NR2C1: variants seen among roughly 807,000 people sequenced by gnomAD.
The protein encoded by NR2C1 is TR2 nuclear hormone receptor.
Under a neutral mutation model 74.8 loss-of-function variants are expected in NR2C1, and 33 were observed. The ratio of observed to expected loss-of-function variants is 0.44; its 90% CI spans 0.33 to 0.59. The LOEUF is 0.59. NR2C1 is among the 20% of genes least tolerant of loss of function. NR2C1 has a pLI of 0.02. For missense variants in NR2C1, 568 were observed against 715.6 expected (o/e 0.79, Z 2.35); for synonymous variants, 225 against 240.6 (o/e 0.94, Z 0.60).
intron 13 of NR2C1, among the ~76,000 whole-genome samples, chr12:95,022,700 A>G (rs893069294): frequency 1.4e-5 from 2 of 143,296 alleles, no homozygotes; most frequent in Non-Finnish European, 3.1e-5. Flanking sequence ...AAGTTATACA[A>G]TTTTTTTTTT....
chr12:95,072,579 G>GT (rs1254079148), intron 1 of NR2C1: 1 of 151,964 alleles, frequency 6.6e-6, no homozygotes, highest in Non-Finnish European at 1.5e-5. Flanking sequence ...CCTAAAGGCC[G>GT]TAATTTTAGG....
chr12:95,022,450 A>G, intron 13 of NR2C1, 47 bp from the exon 14 acceptor site: 2 of 1,444,924 alleles, frequency 1.4e-6, no homozygotes, highest in Non-Finnish European at 1.9e-6. Flanking sequence ...TGTAAACCAG[A>G]AAGAAATTTA....
chr12:95,028,765 G>C (rs1473238502), intron 11 of NR2C1, among the ~76,000 whole-genome samples: 2 of 152,048 alleles, frequency 1.3e-5, no homozygotes, highest in African/African-American at 4.8e-5. Context: ...AAGTAGCTGG[G>C]ACTAGAGGCG....
chr12:95,023,877 G>A (rs534089731), intron 13 of NR2C1, among the ~76,000 whole-genome samples: 22 of 152,298 alleles, frequency 1.4e-4, no homozygotes, highest in African/African-American at 4.8e-4. Flanking sequence ...TAAAGATGCT[G>A]AAAAACAACC....
intron 4 of NR2C1, 151 bp downstream of exon 4, chr12:95,059,755 C>G (rs1257649108): frequency 1.8e-6 from 1 of 566,356 alleles, no homozygotes; most frequent in African/African-American, 1.9e-5. Context: ...TTATAGGCTA[C>G]AAATATGAAC....
At chr12:95,043,689 C>CCAA (rs575940640) in intron 9 of NR2C1, among the ~76,000 whole-genome samples, 3 of 94,284 alleles carry the variant, frequency 3.2e-5, no homozygotes, top group African/African-American at 1.2e-4. Context: ...GACTCTGTCT[C>CCAA]AAAAAAAAAA....
chr12:95,067,443 TA>T lies in NR2C1; in HGVS notation c.-7-53del. On this transcript the variant is annotated intron_variant, in intron 1 of 13. Transcript: ENST00000333003. ...AATTAAACTCACAAAACACTCTTAT[TA>T]AATAATTTACAAATAAAACTATATG... 3 of 1,249,530 alleles carry T rather than the reference TA, an allele frequency of 2.4e-6. No homozygotes were observed. In the South Asian group the frequency reaches 3.8e-5, roughly 16 times the overall value. The allele number at this position is 1,249,530 out of a possible 1,614,324, so 77.4% of individuals were successfully genotyped here. A position where few individuals can be genotyped will look rare whatever the true frequency, so the allele number is the denominator to read the frequency against.
chr12:95,049,329 A>C, intron 8 of NR2C1, 96 bp from the exon 9 acceptor site: 1 of 1,304,102 alleles, frequency 7.7e-7, no homozygotes, highest in South Asian at 1.5e-5. Flanking sequence ...AAGCCTAAAA[A>C]ACTGGCCAGG....
intron 1 of NR2C1, chr12:95,072,560 G>A (rs914248289): frequency 2.0e-5 from 3 of 151,980 alleles, no homozygotes; most frequent in Non-Finnish European, 4.4e-5. Flanking sequence ...AATTCTAGCG[G>A]TACTAAACCC....
At chr12:95,041,778 A>T (rs978368348) in intron 9 of NR2C1, among the ~76,000 whole-genome samples, 4 of 152,364 alleles carry the variant, frequency 2.6e-5, no homozygotes, top group African/African-American at 9.6e-5. Context: ...AGTACATGCA[A>T]TAATACCACT....
chr12:95,042,568 TATC>T (rs1437209431), intron 9 of NR2C1, among the ~76,000 whole-genome samples: 1 of 152,064 alleles, frequency 6.6e-6, no homozygotes, highest in East Asian at 1.9e-4. Flanking sequence ...AGGTATCTTC[TATC>T]TAAAAGGCTT....
intron 1 of NR2C1, 76 bp downstream of exon 1, chr12:95,073,304 G>A (rs1436441134): frequency 6.6e-6 from 1 of 152,258 alleles, no homozygotes; most frequent in African/African-American, 2.4e-5. Flanking sequence ...CGCGTCCGTT[G>A]GCGGTTGGGG....
At chr12:95,064,255 G>A (rs1490242005) in intron 2 of NR2C1, among the ~76,000 whole-genome samples, 2 of 150,476 alleles carry the variant, frequency 1.3e-5, no homozygotes, top group Non-Finnish European at 3.0e-5. Flanking sequence ...CTTGAACCAG[G>A]GAGGCGGAGG....
At chr12:95,060,572 T>C (rs1244780635) in intron 3 of NR2C1, among the ~76,000 whole-genome samples, 1 of 152,254 alleles carries the variant, frequency 6.6e-6, no homozygotes, top group Non-Finnish European at 1.5e-5. Flanking sequence ...GGAGAATCGC[T>C]TGAACCCAGG....
chr12:95,037,247 A>G (rs58049650), intron 10 of NR2C1, among the ~76,000 whole-genome samples: 3,171 of 152,354 alleles, frequency 0.021, 103 homozygotes, highest in African/African-American at 0.072. Context: ...CACTATTCAT[A>G]TAGTCACTTA....
chr12:95,059,966 G>T lies in NR2C1; in HGVS notation c.304C>A (p.Pro102Thr). 1 of 1,469,054 alleles carries T rather than the reference G, an allele frequency of 6.8e-7. No individual in the cohort carries two copies. The highest frequency in any genetic ancestry group is 2.3e-5 in the East Asian group (1 of 43,072). 91.0% of individuals were successfully genotyped at this position (1,469,054 alleles called of 1,614,324 possible). A position where few individuals can be genotyped will look rare whatever the true frequency, so the allele number is the denominator to read the frequency against. Residue 102 changes from proline to threonine, a missense_variant, in exon 4 of 14, where the codon CCA becomes ACA. By Grantham distance (38) the Pro-to-Thr change is conservative. Coordinates refer to ENST00000333003, the MANE Select transcript of NR2C1 (RefSeq NM_003297.4). The part of the protein sequence containing the change: ...QHLQLLTDNS[P>T]DQGPNKVFDL... ...AAAACCTTATTTGGTCCTTGGTCTG[G>T]AGAATTATCTGTTAGGAGCTAAAAA...
At chr12:95,033,252 T>A (rs1312289237) in intron 10 of NR2C1, among the ~76,000 whole-genome samples, 1 of 151,874 alleles carries the variant, frequency 6.6e-6, no homozygotes, top group African/African-American at 2.4e-5. Context: ...AACAAATATA[T>A]AATTTCAAGT....
intron 7 of NR2C1, among the ~76,000 whole-genome samples, chr12:95,053,514 T>G (rs1873338387): frequency 6.6e-6 from 1 of 152,008 alleles, no homozygotes; most frequent in Non-Finnish European, 1.5e-5. Flanking sequence ...TAATTTTTAA[T>G]TCATAGATTT....
At chr12:95,039,004 T>C (rs917139590) in intron 10 of NR2C1, among the ~76,000 whole-genome samples, 1 of 152,076 alleles carries the variant, frequency 6.6e-6, no homozygotes, top group Non-Finnish European at 1.5e-5. Flanking sequence ...GGCATCCATA[T>C]AGGAGGATTG....
Sources: gnomAD v4.1 joint callset for allele counts (sites outside exome capture counted in the v4.1 genomes callset) on GRCh38, gnomAD v4.1.1 for gene constraint, MANE v1.5 for transcripts, NCBI Gene and HGNC (gene_info 2026-07-23, HGNC 2026-07-21) for gene names.